The following OR2L13 variants were observed in gnomAD, a reference collection of about 807,000 sequenced individuals.
The protein encoded by OR2L13 is olfactory receptor 2L13.
In OR2L13, 14 loss-of-function variants were observed where a neutral mutation model predicts 15.3. The observed-to-expected ratio is 0.91, with a 90% confidence interval of 0.60 to 1.43. OR2L13 has a LOEUF of 1.43. Among genes scored for constraint, OR2L13 ranks in the 40% most tolerant of loss-of-function variants. The pLI is 0.00. For synonymous variants in OR2L13, 152 were observed against 142.9 expected (o/e 1.06, Z -0.45); for missense variants, 367 against 387.9 (o/e 0.95, Z 0.45).
At chr1:247,949,660 C>T in the OR2L13 span, 7 of 1,613,822 alleles carry the variant, frequency 4.3e-6, no homozygotes, top group African/African-American at 1.3e-5. Context: ...CGATCTCCAA[C>T]AGAGGACAAG....
At chr1:248,005,750 T>C in the OR2L13 span, among the ~76,000 whole-genome samples, 5 of 152,218 alleles carry the variant, frequency 3.3e-5, no homozygotes, top group South Asian at 2.1e-4. Flanking sequence ...TTCTCTTCCA[T>C]GTCTACAGTT....
chr1:248,024,289 G>T, the OR2L13 span: 1 of 151,822 alleles, frequency 6.6e-6, no homozygotes, highest in Non-Finnish European at 1.5e-5. Context: ...AAACACTGTA[G>T]GTTTTAATAT....
At chr1:248,014,989 T>G in the OR2L13 span, among the ~76,000 whole-genome samples, 1 of 152,142 alleles carries the variant, frequency 6.6e-6, no homozygotes, top group Non-Finnish European at 1.5e-5. Flanking sequence ...ATAATCACTT[T>G]CTGTCTATCC....
At chr1:247,966,790 T>A in the OR2L13 span, among the ~76,000 whole-genome samples, 2 of 152,338 alleles carry the variant, frequency 1.3e-5, no homozygotes, top group African/African-American at 4.8e-5. Flanking sequence ...GTTTTCATGC[T>A]TGATTAATAA....
At chr1:247,984,839 TTTCA>T in the OR2L13 span, among the ~76,000 whole-genome samples, 1 of 151,990 alleles carries the variant, frequency 6.6e-6, no homozygotes, top group African/African-American at 2.4e-5. Context: ...TCCAGAACAG[TTTCA>T]TTGTCTCCAA....
At chr1:247,991,225 A>G in the OR2L13 span, 5 of 1,486,798 alleles carry the variant, frequency 3.4e-6, no homozygotes, top group South Asian at 4.6e-5. Context: ...TCTGCCTTAG[A>G]GTCAAAGCGC....
chr1:248,015,074 T>C, the OR2L13 span, among the ~76,000 whole-genome samples: 1 of 152,124 alleles, frequency 6.6e-6, no homozygotes, highest in South Asian at 2.1e-4. Flanking sequence ...ACCTCAATGG[T>C]AGGTTGTGAC....
the OR2L13 span, chr1:248,003,399 C>T: frequency 6.2e-7 from 1 of 1,609,924 alleles, no homozygotes; most frequent in Non-Finnish European, 8.5e-7. Flanking sequence ...GGAAACAAGT[C>T]TATCTCCTTC....
chr1:247,992,225 ATTTTCT>A, the OR2L13 span, among the ~76,000 whole-genome samples: 1 of 132,848 alleles, frequency 7.5e-6, no homozygotes. Flanking sequence ...TCTTCATAAG[ATTTTCT>A]TTTTCTAGCT....
chr1:248,066,483 ATATCT>A, the OR2L13 span, among the ~76,000 whole-genome samples: 5 of 152,190 alleles, frequency 3.3e-5, no homozygotes, highest in African/African-American at 9.7e-5. Flanking sequence ...TACAGATGAA[ATATCT>A]TATCAATCAC....
the OR2L13 span, among the ~76,000 whole-genome samples, chr1:248,030,768 C>T: frequency 6.6e-6 from 1 of 151,964 alleles, no homozygotes; most frequent in Non-Finnish European, 1.5e-5. Context: ...ATGTAAAGAG[C>T]TTTTTATTAG....
At chr1:247,990,465 C>G in the OR2L13 span, 1 of 1,579,356 alleles carries the variant, frequency 6.3e-7, no homozygotes, top group Admixed American at 1.7e-5. Flanking sequence ...TCAGCTCTCC[C>G]TCATTGACCT....
At chr1:247,995,243 A>G in the OR2L13 span, among the ~76,000 whole-genome samples, 1 of 152,198 alleles carries the variant, frequency 6.6e-6, no homozygotes, top group Non-Finnish European at 1.5e-5. Context: ...GTACTTGTTA[A>G]ACTCTATCTT....
chr1:248,022,685 A>C, the OR2L13 span: 1 of 1,614,130 alleles, frequency 6.2e-7, no homozygotes, highest in Non-Finnish European at 8.5e-7. Context: ...ACCTCACTGT[A>C]GTAACTTTCT....
the OR2L13 span, among the ~76,000 whole-genome samples, chr1:247,979,619 CAT>C: frequency 6.6e-6 from 1 of 151,970 alleles, no homozygotes; most frequent in Admixed American, 6.6e-5. Flanking sequence ...CTGCAAGAAA[CAT>C]ATGTATGCAT....
the OR2L13 span, among the ~76,000 whole-genome samples, chr1:247,985,479 T>C: frequency 1.3e-5 from 2 of 152,354 alleles, no homozygotes; most frequent in East Asian, 3.9e-4. Flanking sequence ...ATGGTGTATA[T>C]GTGCCACATT....
chr1:247,981,817 A>ATTT, the OR2L13 span, among the ~76,000 whole-genome samples: 1 of 143,250 alleles, frequency 7.0e-6, no homozygotes. Context: ...CATAATAACA[A>ATTT]TTTTTTTTTT....
chr1:248,048,190 A>G, the OR2L13 span, among the ~76,000 whole-genome samples: 6 of 152,268 alleles, frequency 3.9e-5, no homozygotes, highest in Non-Finnish European at 8.8e-5. Flanking sequence ...ACCATCGTGG[A>G]CCTCAATGGC....
At chr1:248,040,029 C>A in the OR2L13 span, 1 of 152,162 alleles carries the variant, frequency 6.6e-6, no homozygotes, top group African/African-American at 2.4e-5. Context: ...GAATCATTTC[C>A]CAGTCACGTC....
Sources: allele counts gnomAD v4.1 joint callset (sites outside exome capture counted in the v4.1 genomes callset), GRCh38; gene constraint gnomAD v4.1.1; transcripts MANE v1.5; gene names NCBI Gene and HGNC (gene_info 2026-07-23, HGNC 2026-07-21).